MEP1A: variants seen among roughly 807,000 people sequenced by gnomAD.
The protein encoded by MEP1A is N-benzoyl-L-tyrosyl-P-amino-benzoic acid hydrolase subunit alpha.
Under a neutral mutation model 84.5 loss-of-function variants are expected in MEP1A, and 68 were observed. The ratio of observed to expected loss-of-function variants is 0.80; its 90% confidence interval spans 0.66 to 0.98. MEP1A has a LOEUF of 0.98. MEP1A is among the 50% of genes least tolerant of loss of function. The probability of loss-of-function intolerance (pLI) is 0.00; values close to 1 mark genes in which losing one functional copy is unlikely to be tolerated. For missense variants in MEP1A, 887 were observed against 919.9 expected, an observed-to-expected ratio of 0.96 and a Z score of 0.46; for synonymous variants, 337 against 336.8, an observed-to-expected ratio of 1.00 and a Z score of -0.01.
chr6:46,819,691 C>A lies in MEP1A; in HGVS notation c.543C>A (p.Asp181Glu). 6.2e-7 allele frequency: 1 copy of A among 1,613,544 alleles called. No homozygotes were observed. The highest frequency in any genetic ancestry group is 8.5e-7 in the Non-Finnish European group (1 of 1,179,764). The part of the protein sequence containing the change: ...DRDDYVNIWW[D>E]QILSGYQHNF... Reference sequence around the variant, plus strand: ...ATGATTATGTGAACATCTGGTGGGACCAAATTCTTTCAGGTGTGATTGGGC... The same window carrying A: ...ATGATTATGTGAACATCTGGTGGGAACAAATTCTTTCAGGTGTGATTGGGC... Residue 181 changes from aspartate (D) to glutamate (E), a missense_variant, in exon 7 of 14, where the codon GAC becomes GAA. By Grantham distance (45) the Asp-to-Glu change is conservative (BLOSUM62 2). Coordinates refer to ENST00000230588, the MANE Select transcript of MEP1A (RefSeq NM_005588.3).
chr6:46,838,885 C>T (rs778657378), intron 13 of MEP1A, 95 bp from the exon 14 acceptor site: 84 of 1,081,172 alleles, frequency 7.8e-5, no homozygotes, highest in Middle Eastern at 2.9e-4. Flanking sequence ...GCTCAGTGAG[C>T]GTTTGCCATT....
At chr6:46,801,815 T>C (rs1421377) in intron 5 of MEP1A, among the ~76,000 whole-genome samples, 51,545 of 151,854 alleles carry the variant, frequency 0.34, 8,875 homozygotes, top group Middle Eastern at 0.39. Context: ...TTGGTTGGTA[T>C]TTATTAGCCC....
intron 9 of MEP1A, among the ~76,000 whole-genome samples, 191 bp from the exon 10 acceptor site, chr6:46,829,165 T>C (rs1282673334): frequency 2.0e-5 from 3 of 152,258 alleles, no homozygotes; most frequent in Non-Finnish European, 4.4e-5. Flanking sequence ...GAGCAAGCTT[T>C]AGCCAGTGAC....
chr6:46,819,380 TC>T, intron 6 of MEP1A, 148 bp from the exon 7 acceptor site: 1 of 641,488 alleles, frequency 1.6e-6, no homozygotes. Flanking sequence ...GCAGTCCCCA[TC>T]TTTGGACCAT....
intron 5 of MEP1A, 150 bp downstream of exon 5, chr6:46,799,331 A>G (rs1767141051): frequency 1.6e-6 from 1 of 622,204 alleles, no homozygotes; most frequent in Admixed American, 2.9e-5. Context: ...AGAAAGACAT[A>G]ACATTACATC....
rs1767724032 is a variant in MEP1A at position 46,819,705 on chromosome 6, G to A, written c.556+1G>A. On this transcript the variant is annotated splice_donor_variant, in intron 7 of 13. Transcript: ENST00000230588. LOFTEE classifies it high-confidence loss of function. ...ATCTGGTGGGACCAAATTCTTTCAG[G>A]TGTGATTGGGCGGAGATTGCTATCA... 2 of 1,612,936 alleles carry A rather than the reference G, an allele frequency of 1.2e-6. No homozygotes were observed. The highest frequency in any genetic ancestry group is 1.7e-6 in the Non-Finnish European group (2 of 1,179,458).
chr6:46,798,345 C>T (rs1487568255), intron 3 of MEP1A, among the ~76,000 whole-genome samples: 1 of 152,124 alleles, frequency 6.6e-6, no homozygotes, highest in African/African-American at 2.4e-5. Flanking sequence ...AGTAAAATCC[C>T]TTCTAACTTA....
intron 4 of MEP1A, 119 bp downstream of exon 4, chr6:46,798,765 T>TCTC: frequency 2.4e-6 from 2 of 844,824 alleles, no homozygotes; most frequent in Non-Finnish European, 3.9e-6. Flanking sequence ...AGAAATCTCA[T>TCTC]CTATAATCTG....
chr6:46,838,082 T>C (rs1199676090), intron 13 of MEP1A, among the ~76,000 whole-genome samples: 1 of 151,534 alleles, frequency 6.6e-6, no homozygotes, highest in Non-Finnish European at 1.5e-5. Flanking sequence ...TTGGTATTTT[T>C]AGTAGAGATG....
Position 46,834,595 on chromosome 6 carries a change from A to G in MEP1A, c.1627A>G (p.Ile543Val), listed in dbSNP as rs762796328. 2.5e-6 allele frequency: 4 copies of G among 1,609,308 alleles called. No individual in the cohort carries two copies. Among genetic ancestry groups the G allele is most frequent in the Non-Finnish European group, 3.4e-6 (4 of 1,178,494 alleles). Residue 543 changes from isoleucine to valine, a missense_variant, in exon 12 of 14, where the codon ATC (isoleucine) becomes GTC (valine). Coordinates refer to ENST00000230588, the MANE Select transcript of MEP1A (RefSeq NM_005588.3). ...CTTTGCAGCGATAAATGACACTGTC[A>G]TCTGGGACAGGCCGTCCAGGGTGGG... Reference protein sequence around the residue: ...HTSPAINDTVIWDRPSRVGTY... With the variant: ...HTSPAINDTVVWDRPSRVGTY...
intron 10 of MEP1A, among the ~76,000 whole-genome samples, chr6:46,832,082 G>A (rs1189629216): frequency 6.6e-6 from 1 of 152,108 alleles, no homozygotes; most frequent in Non-Finnish European, 1.5e-5. Flanking sequence ...TCCTTTTCAG[G>A]GAAAGTATAG....
intron 3 of MEP1A, 62 bp from the exon 4 acceptor site, chr6:46,798,544 A>G: frequency 1.6e-6 from 2 of 1,282,764 alleles, no homozygotes; most frequent in Non-Finnish European, 2.3e-6. Context: ...TTTTATTACG[A>G]AAGATGCCTT....
At chr6:46,815,954 T>C (rs75270193) in intron 6 of MEP1A, among the ~76,000 whole-genome samples, 1 of 152,174 alleles carries the variant, frequency 6.6e-6, no homozygotes, top group Non-Finnish European at 1.5e-5. Flanking sequence ...ATTATTTTTT[T>C]GAGACAGAGT....
chr6:46,817,402 T>C (rs1027707589), intron 6 of MEP1A, among the ~76,000 whole-genome samples: 1 of 152,184 alleles, frequency 6.6e-6, no homozygotes, highest in Non-Finnish European at 1.5e-5. Context: ...AGTAGTTAGA[T>C]AGTTTATTTT....
chr6:46,807,553 AAAGAAAGAAAGAAAGGAAGG>A (rs1351935538), intron 5 of MEP1A, among the ~76,000 whole-genome samples: 37 of 63,302 alleles, frequency 5.8e-4, no homozygotes, highest in East Asian at 2.3e-3. Context: ...AGAAAGAAAG[AAAGAAAGAAAGAAAGGAAGG>A]AAGGAAGGAA....
At chr6:46,845,417 C>T in the MEP1A span, among the ~76,000 whole-genome samples, 1 of 152,188 alleles carries the variant, frequency 6.6e-6, no homozygotes, top group African/African-American at 2.4e-5. Flanking sequence ...AGCCAGGCTG[C>T]CACACCAGTC....
chr6:46,800,559 A>G (rs1475224168), intron 5 of MEP1A, among the ~76,000 whole-genome samples: 1 of 152,210 alleles, frequency 6.6e-6, no homozygotes, highest in African/African-American at 2.4e-5. Flanking sequence ...TTAAGGATAC[A>G]GCAGTATTTC....
intron 8 of MEP1A, among the ~76,000 whole-genome samples, chr6:46,825,908 C>T (rs1017540478): frequency 6.6e-6 from 1 of 152,160 alleles, no homozygotes; most frequent in African/African-American, 2.4e-5. Flanking sequence ...CATTTTGTAT[C>T]CTGTAAAATT....
intron 5 of MEP1A, among the ~76,000 whole-genome samples, chr6:46,804,041 T>G (rs1284098608): frequency 6.6e-6 from 1 of 151,830 alleles, no homozygotes; most frequent in African/African-American, 2.4e-5. Context: ...ATTTAAACAG[T>G]TATCTTTTAA....
Sources: allele counts gnomAD v4.1 joint callset (sites outside exome capture counted in the v4.1 genomes callset), GRCh38; gene constraint gnomAD v4.1.1; transcripts MANE v1.5; gene names NCBI Gene and HGNC (gene_info 2026-07-23, HGNC 2026-07-21).